FHOD1: variants seen among roughly 807,000 people sequenced by gnomAD.
The protein encoded by FHOD1 is FH1/FH2 domain-containing protein 1.
Under a neutral mutation model 111.6 loss-of-function variants are expected in FHOD1, and 89 were observed. The ratio of observed to expected loss-of-function variants is 0.80; its 90% CI spans 0.67 to 0.95. FHOD1 has a LOEUF of 0.95. Ranked by LOEUF, FHOD1 falls within the 40% of genes least tolerant of loss-of-function variation. The probability of loss-of-function intolerance (pLI) is 0.00; values close to 1 mark genes in which losing one functional copy is unlikely to be tolerated. For missense variants in FHOD1, 1,446 were observed against 1,554.2 expected (o/e 0.93, Z 1.17); for synonymous variants, 618 against 639.0 (o/e 0.97, Z 0.50).
chr16:67,236,382 C>G, intron 11 of FHOD1, 175 bp downstream of exon 11: 1 of 1,452,098 alleles, frequency 6.9e-7, no homozygotes, highest in South Asian at 1.4e-5. Flanking sequence ...CCAGTCAGAG[C>G]CGAACCCCAC....
chr16:67,229,665 G>A lies in FHOD1; in HGVS notation c.3466C>T (p.Leu1156=), dbSNP rs1347194798. Residue 1156 remains leucine, a synonymous_variant, in exon 22 of 22, where the codon CTA becomes TTA. Coordinates refer to ENST00000258201, the MANE Select transcript of FHOD1 (RefSeq NM_013241.3). ...ACCTCCAGGCCAGGACCCTTGCTTA[G>A]TCCCAGTGCCTGCACCAGGTCATCT... ...LGDDLVQALG[L]SKGPGLEV The A allele has an allele frequency of 6.2e-6, 10 of 1,614,062 alleles. No individual in the cohort carries two copies. The South Asian group carries it at 1.1e-4, about 18-fold the overall frequency.
Position 67,238,761 on chromosome 16 carries a change from G to A in FHOD1, c.373+142C>T. 1.2e-6 allele frequency: 1 copy of A among 806,954 alleles called. No homozygotes were observed. Among genetic ancestry groups the A allele is most frequent in the East Asian group, 2.6e-5 (1 of 38,062 alleles). The allele number at this position is 806,954 out of a possible 1,614,324, so 50.0% of individuals were successfully genotyped here. On this transcript the variant is annotated intron_variant, in intron 3 of 21. Transcript: ENST00000258201. The surrounding 1 kb of genome is among the most constrained non-coding windows in gnomAD (Gnocchi z 4.2). ...CCCCCTCCACTCCCACCATGGCCCT[G>A]GAAGAAGAGGTCAGGATAGGGAGAG...
In FHOD1 at chr16:67,229,528, T is replaced by A; in HGVS notation, c.*108A>T. On this transcript the variant is annotated 3_prime_UTR_variant, in exon 22 of 22. Transcript: ENST00000258201. ...CGGCTAATACTGCTCAAGGCATGGC[T>A]CCTGGGCACAGAGTTCTGGGGCCAG... 1.0e-6 allele frequency: 1 copy of A among 970,380 alleles called. No individual in the cohort carries two copies. The highest frequency in any genetic ancestry group is 1.7e-6 in the Non-Finnish European group (1 of 601,150). The allele number at this position is 970,380 out of a possible 1,614,324, so 60.1% of individuals were successfully genotyped here.
At chr16:67,246,721 C>T (rs2034853468) in intron 1 of FHOD1, among the ~76,000 whole-genome samples, 1 of 152,320 alleles carries the variant, frequency 6.6e-6, no homozygotes, top group South Asian at 2.1e-4. Context: ...CTCCCATTGA[C>T]CTACAGGGTC....
chr16:67,234,231 G>A lies in FHOD1; in HGVS notation c.1472C>T (p.Pro491Leu). 6.5e-7 allele frequency: 1 copy of A among 1,548,768 alleles called. No individual in the cohort carries two copies. Among genetic ancestry groups the A allele is most frequent in the Non-Finnish European group, 8.7e-7 (1 of 1,144,758 alleles). Residue 491 changes from proline (P) to leucine (L), a missense_variant, in exon 13 of 22, where the codon CCT becomes CTT. Physicochemically the swap from Pro to Leu is moderately conservative, Grantham distance 98 (BLOSUM62 -3). Coordinates refer to ENST00000258201, the MANE Select transcript of FHOD1 (RefSeq NM_013241.3). ...RQLWDSPETA[P>L]AARTPQSPAP... is the part of the protein sequence containing the mutation. ...AGGGCTCTGGGGTGTTCTGGCTGCAGGGGCTGTCTCTGGGGAGTCCCAGAG... is the reference window on the plus strand; with the variant it reads ...AGGGCTCTGGGGTGTTCTGGCTGCAAGGGCTGTCTCTGGGGAGTCCCAGAG...
rs758376173 is a variant in FHOD1, at chr16:67,247,425, C to T, written c.-15G>A. 1.2e-6 allele frequency: 2 copies of T among 1,611,124 alleles called. No homozygotes were observed. ...CCGCCCGCCATGGCTCTGCGGCCGG[C>T]TCACGCAGCGCGCCTCCGAGTCCCG... On this transcript the variant is annotated 5_prime_UTR_variant, in exon 1 of 22. Transcript: ENST00000258201.
Position 67,231,824 on chromosome 16 carries a change from G to T in FHOD1, c.2203-5C>A. 6.2e-7 allele frequency: 1 copy of T among 1,613,084 alleles called. No homozygotes were observed. Among genetic ancestry groups the T allele is most frequent in the Non-Finnish European group, 8.5e-7 (1 of 1,179,368 alleles). On this transcript the variant is annotated splice_region_variant and splice_polypyrimidine_tract_variant and intron_variant, in intron 14 of 21. Transcript: ENST00000258201. This position sits in a 1 kb window ranked among gnomAD's most constrained non-coding sequence, Gnocchi z 4.3. ...GGGCATCATGGTCAGTAGCTTCTGA[G>T]GATGTAGCCAGAGCCTGACATGGCC...
In FHOD1 at chr16:67,238,199, G is replaced by C; in HGVS notation, c.547+3C>G. The C allele has an allele frequency of 6.2e-7, 1 of 1,614,096 alleles. No individual in the cohort carries two copies. Among genetic ancestry groups the C allele is most frequent in the Middle Eastern group, 1.7e-4 (1 of 6,060 alleles). ...GAGGTCATGGGAGAGGGGCGGGGCTGACCTCTAAGGATGTAGCTCTGGTAG... is the reference window on the plus strand; with the variant it reads ...GAGGTCATGGGAGAGGGGCGGGGCTCACCTCTAAGGATGTAGCTCTGGTAG... On this transcript the variant is annotated splice_donor_region_variant and intron_variant, in intron 5 of 21. Transcript: ENST00000258201. The surrounding 1 kb of genome is among the most constrained non-coding windows in gnomAD (Gnocchi z 4.2).
chr16:67,237,988 A>G lies in FHOD1; in HGVS notation c.642+46T>C. ...CAGAACAGGAAACTGAGGCCCAGAG[A>G]GAAGCAACAGGCAAAGGGTATAAGG... is the stretch of plus-strand genomic sequence containing the variant. On this transcript the variant is annotated intron_variant, in intron 6 of 21. Transcript: ENST00000258201. This position sits in a 1 kb window ranked among gnomAD's most constrained non-coding sequence, Gnocchi z 5.6. 1 of 1,586,964 alleles carries G rather than the reference A, an allele frequency of 6.3e-7. No homozygotes were observed. The highest frequency in any genetic ancestry group is 8.6e-7 in the Non-Finnish European group (1 of 1,157,006).
intron 1 of FHOD1, among the ~76,000 whole-genome samples, chr16:67,241,723 G>C (rs2034673731): frequency 6.6e-6 from 1 of 152,198 alleles, no homozygotes. Flanking sequence ...AAAGGGGAGG[G>C]GCAGAGTGCT....
At chr16:67,229,752 T>G (rs750859651) in intron 21 of FHOD1, 34 bp from the exon 22 acceptor site, 1 of 1,613,896 alleles carries the variant, frequency 6.2e-7, no homozygotes, top group Admixed American at 1.7e-5. Context: ...AGGGGGTTGA[T>G]GGGGTTCAGG....
At chr16:67,233,362 AG>A (rs1245206104) in intron 13 of FHOD1, among the ~76,000 whole-genome samples, 5 of 152,230 alleles carry the variant, frequency 3.3e-5, no homozygotes, top group Non-Finnish European at 7.4e-5. Flanking sequence ...CTGGGATTAC[AG>A]GCATGAGCCA....
chr16:67,246,709 T>A (rs1267637352), intron 1 of FHOD1, among the ~76,000 whole-genome samples: 1 of 152,146 alleles, frequency 6.6e-6, no homozygotes, highest in Non-Finnish European at 1.5e-5. Flanking sequence ...GGCACTCCCA[T>A]ACTCCCATTG....
intron 1 of FHOD1, among the ~76,000 whole-genome samples, chr16:67,239,832 G>A (rs2034617046): frequency 6.6e-6 from 1 of 152,162 alleles, no homozygotes; most frequent in Non-Finnish European, 1.5e-5. Flanking sequence ...CGTCTGTCTT[G>A]CTCCCTGCTG....
At chr16:67,247,167 C>A in intron 1 of FHOD1, 43 bp downstream of exon 1, 1 of 1,485,170 alleles carries the variant, frequency 6.7e-7, no homozygotes, top group South Asian at 1.3e-5. Context: ...TGGCGCCCAC[C>A]CTGAACCCCC....
Position 67,234,386 on chromosome 16 carries a change from G to C in FHOD1, c.1406C>G (p.Ala469Gly). ...AQGRAETLAG[A>G]MPNEAGGHPD... ...GTGTCCACCCGCCTCATTGGGCATG[G>C]CCCCGGCAAGTGTCTCTGCCCGGCC... is the stretch of plus-strand genomic sequence containing the variant. The change falls in exon 12 of 22, where the codon GCC becomes GGC. Residue 469 changes from alanine (A) to glycine (G), a missense_variant. Physicochemically the swap from Ala to Gly is moderately conservative, Grantham distance 60. Around this residue, in one of 3 missense-constraint regions of FHOD1, gnomAD observed 1,085 missense variants for 1,108.8 expected, o/e 0.98. Transcript: ENST00000258201. 1.2e-6 allele frequency: 2 copies of C among 1,610,470 alleles called. No homozygotes were observed. The highest frequency in any genetic ancestry group is 1.7e-6 in the Non-Finnish European group (2 of 1,179,608).
rs2034178533 is a variant in FHOD1 at position 67,229,842 on chromosome 16, A to T, written c.3363T>A (p.Arg1121=). The T allele has an allele frequency of 6.2e-7, 1 of 1,614,120 alleles. No homozygotes were observed. The highest frequency in any genetic ancestry group is 1.1e-5 in the South Asian group (1 of 91,094). Residue 1121 remains arginine (R), a synonymous_variant, in exon 21 of 22, where the codon CGT becomes CGA. Coordinates refer to ENST00000258201, the MANE Select transcript of FHOD1 (RefSeq NM_013241.3). ...GCTTGCGTTCCCTAGCAGCTAAGGC[A>T]CGAGGACTGCTCTTGGTCACTGACT... ...LVQSVTKSSP[R]ALAARERKRS...
chr16:67,246,751 T>C (rs1437250804), intron 1 of FHOD1, among the ~76,000 whole-genome samples: 1 of 152,176 alleles, frequency 6.6e-6, no homozygotes, highest in African/African-American at 2.4e-5. Context: ...TCCAGCTTCC[T>C]GACACCGCAG....
rs2034908367 is a variant in FHOD1 at position 67,247,420 on chromosome 16, G to A, written c.-10C>T. On this transcript the variant is annotated 5_prime_UTR_variant, in exon 1 of 22. Coordinates refer to ENST00000258201, the MANE Select transcript of FHOD1 (RefSeq NM_013241.3). Reference sequence around the variant, plus strand: ...CTTCCCCGCCCGCCATGGCTCTGCGGCCGGCTCACGCAGCGCGCCTCCGAG... The same window carrying A: ...CTTCCCCGCCCGCCATGGCTCTGCGACCGGCTCACGCAGCGCGCCTCCGAG... The A allele has an allele frequency of 1.2e-6, 2 of 1,611,446 alleles. No individual in the cohort carries two copies. Among genetic ancestry groups the A allele is most frequent in the Non-Finnish European group, 1.7e-6 (2 of 1,179,082 alleles).
Sources: gnomAD v4.1 joint callset for allele counts (sites outside exome capture counted in the v4.1 genomes callset) on GRCh38, gnomAD v4.1.1 for gene constraint, gnomAD v4.1.1 regional missense constraint, Gnocchi (gnomAD v3.1) non-coding constraint, MANE v1.5 for transcripts, NCBI Gene and HGNC (gene_info 2026-07-23, HGNC 2026-07-21) for gene names.